The following IGF1 variants were observed in gnomAD, a reference collection of about 807,000 sequenced individuals.
IGF1 encodes insulin like growth factor 1.
A neutral mutation model predicts 13.8 loss-of-function variants in IGF1; 4 were observed. That is an observed-to-expected ratio of 0.29 (90% CI 0.14 to 0.66). IGF1 has a LOEUF of 0.66. IGF1 is among the 30% of genes least tolerant of loss of function. The pLI, the probability that IGF1 is intolerant of heterozygous loss-of-function variation, is 0.78. For synonymous variants in IGF1, 76 were observed against 72.6 expected (o/e 1.05, Z -0.23); for missense variants, 124 against 188.5 (o/e 0.66, Z 2.00).
chr12:102,453,742 T>A (rs1482845609), intron 2 of IGF1, among the ~76,000 whole-genome samples: 4 of 152,166 alleles, frequency 2.6e-5, no homozygotes, highest in African/African-American at 9.7e-5. Flanking sequence ...AAATGTATGC[T>A]CTATAGAGCA....
intron 2 of IGF1, among the ~76,000 whole-genome samples, chr12:102,460,837 A>C (rs887974353): frequency 6.6e-6 from 1 of 152,196 alleles, no homozygotes; most frequent in Admixed American, 6.5e-5. Flanking sequence ...GTCCAATACT[A>C]TCTTATCCTT....
At chr12:102,440,010 T>C (rs916929667) in intron 2 of IGF1, among the ~76,000 whole-genome samples, 1 of 152,162 alleles carries the variant, frequency 6.6e-6, no homozygotes, top group Non-Finnish European at 1.5e-5. Context: ...TCTTTAAATG[T>C]AGGATGACAA....
intron 2 of IGF1, among the ~76,000 whole-genome samples, chr12:102,450,840 G>A (rs147288395): frequency 4.5e-4 from 68 of 152,246 alleles, no homozygotes; most frequent in African/African-American, 1.5e-3. Flanking sequence ...AAGGATCTTG[G>A]GTCATTTCTC....
At chr12:102,450,232 A>T (rs1049942506) in intron 2 of IGF1, among the ~76,000 whole-genome samples, 3 of 152,066 alleles carry the variant, frequency 2.0e-5, no homozygotes, top group African/African-American at 7.2e-5. Flanking sequence ...CAGTTCACTT[A>T]TTTGCTGCTC....
chr12:102,444,258 T>C (rs1878121545), intron 2 of IGF1, among the ~76,000 whole-genome samples: 1 of 152,008 alleles, frequency 6.6e-6, no homozygotes, highest in African/African-American at 2.4e-5. Flanking sequence ...CTTTTTTTTT[T>C]TTCTACCTAA....
At chr12:102,409,985 CT>C (rs997954779) in intron 3 of IGF1, among the ~76,000 whole-genome samples, 70 of 152,288 alleles carry the variant, frequency 4.6e-4, no homozygotes, top group African/African-American at 1.6e-3. Flanking sequence ...GTTTCCGGAG[CT>C]CCGTTGAGTG....
At chr12:102,446,774 T>C (rs1050419133) in intron 2 of IGF1, among the ~76,000 whole-genome samples, 2 of 152,122 alleles carry the variant, frequency 1.3e-5, no homozygotes, top group African/African-American at 4.8e-5. Context: ...GTTTTCGAAT[T>C]TGTTTGCTCT....
intron 2 of IGF1, among the ~76,000 whole-genome samples, chr12:102,434,058 A>G (rs1336268028): frequency 6.6e-6 from 1 of 151,468 alleles, no homozygotes; most frequent in Non-Finnish European, 1.5e-5. Context: ...TGGCTAAACC[A>G]TTTCTTTTTT....
intron 2 of IGF1, among the ~76,000 whole-genome samples, chr12:102,432,427 T>C (rs769987856): frequency 2.0e-5 from 3 of 152,202 alleles, no homozygotes; most frequent in Non-Finnish European, 4.4e-5. Flanking sequence ...ATGGAATTAC[T>C]GAGTCAAAGG....
chr12:102,480,539 G>A lies in IGF1; in HGVS notation c.-158C>T. ...CTCTATCTGCTCTGAATTTAGCAGT[G>A]ACAGTGAGATTTAGCAAACAGAAGA... On this transcript the variant is annotated 5_prime_UTR_variant, in exon 1 of 4. Coordinates refer to ENST00000337514, the MANE Select transcript of IGF1 (RefSeq NM_000618.5). 1 of 1,494,122 alleles carries A rather than the reference G, an allele frequency of 6.7e-7. No individual in the cohort carries two copies. The highest frequency in any genetic ancestry group is 8.9e-7 in the Non-Finnish European group (1 of 1,123,132). The allele number at this position is 1,494,122 out of a possible 1,614,324, so 92.6% of individuals were successfully genotyped here. A position where few individuals can be genotyped will look rare whatever the true frequency, so the allele number is the denominator to read the frequency against.
chr12:102,412,721 A>C (rs1356875515), intron 3 of IGF1, among the ~76,000 whole-genome samples: 1 of 152,214 alleles, frequency 6.6e-6, no homozygotes, highest in Non-Finnish European at 1.5e-5. Context: ...GTATGATAAG[A>C]ACTTTCTTAG....
At position 102,452,261 on chromosome 12, in the gene IGF1, CAAAAAAAAAAA is replaced by C. The variant is rs538007224; in HGVS notation, c.220+23371_220+23381del. ...TGGGCGACAGAGCGAGACTCCGTCTCAAAAAAAAAAAAAAAAAAAAAAAAAAAAAGATATGT... is the reference window on the plus strand; with the variant it reads ...TGGGCGACAGAGCGAGACTCCGTCTCAAAAAAAAAAAAAAAAAAGATATGT... On this transcript the variant is annotated intron_variant, in intron 2 of 3. Coordinates refer to ENST00000337514, the MANE Select transcript of IGF1 (RefSeq NM_000618.5). Among the ~76,000 whole-genome samples the C allele has an allele frequency of 3.8e-4, 16 of 42,174 alleles. No homozygotes were observed. In the East Asian group the frequency reaches 0.012, roughly 30 times the overall value. The allele number at this position is 42,174 out of a possible 152,430, so 27.7% of individuals were successfully genotyped here.
At chr12:102,418,131 C>A in intron 3 of IGF1, 1 of 920,700 alleles carries the variant, frequency 1.1e-6, no homozygotes, top group Non-Finnish European at 1.6e-6. Context: ...GGGGTCTAGA[C>A]CTCAGTCACA....
chr12:102,425,557 A>C lies in IGF1; in HGVS notation c.221-5867T>G, dbSNP rs537901256. On this transcript the variant is annotated intron_variant, in intron 2 of 3. Coordinates refer to ENST00000337514, the MANE Select transcript of IGF1 (RefSeq NM_000618.5). ...GTTTCTCTGAGTCTAAAAGGAATGA[A>C]GCAGAGTTCTATGGGGCTGCCCCTT... Among the ~76,000 whole-genome samples, 169 of 152,334 alleles carry C rather than the reference A, an allele frequency of 1.1e-3. 1 individual carries two copies. In the Middle Eastern group the frequency reaches 0.024, roughly 21 times the overall value.
intron 3 of IGF1, among the ~76,000 whole-genome samples, chr12:102,408,019 A>G (rs1229591526): frequency 6.6e-6 from 1 of 152,198 alleles, no homozygotes; most frequent in Non-Finnish European, 1.5e-5. Flanking sequence ...CAAACAAGTT[A>G]AGTATTGTAT....
intron 1 of IGF1, among the ~76,000 whole-genome samples, chr12:102,479,127 C>T (rs1566012188): frequency 6.6e-6 from 1 of 152,214 alleles, no homozygotes; most frequent in Non-Finnish European, 1.5e-5. Flanking sequence ...AAAACTCCAG[C>T]TGCTAGATCA....
chr12:102,458,229 C>G (rs1290131027), intron 2 of IGF1, among the ~76,000 whole-genome samples: 1 of 152,114 alleles, frequency 6.6e-6, no homozygotes, highest in Non-Finnish European at 1.5e-5. Flanking sequence ...TTCATTTTTT[C>G]TAGCGTATTT....
In IGF1 at chr12:102,399,969, C is replaced by A. The variant is rs1873541008; in HGVS notation, c.*2538G>T. 3 of 152,122 alleles carry A rather than the reference C, an allele frequency of 2.0e-5. No individual in the cohort carries two copies. Among genetic ancestry groups the A allele is most frequent in the Admixed American group, 2.0e-4 (3 of 15,266 alleles). The allele number at this position is 152,122 out of a possible 1,614,324, so 9.4% of individuals were successfully genotyped here. On this transcript the variant is annotated 3_prime_UTR_variant, in exon 4 of 4. Transcript: ENST00000337514. ...AGAGGGCAAAAATGATGTATAGTTT[C>A]TTTTACATCTGTCCATAGTGATTAG...
intron 3 of IGF1, among the ~76,000 whole-genome samples, chr12:102,407,136 ATCACTGAGG>A (rs1874236833): frequency 7.5e-6 from 1 of 133,878 alleles, no homozygotes; most frequent in Non-Finnish European, 1.6e-5. Context: ...AAAAAAAAAG[ATCACTGAGG>A]ACTAATAACA....
Sources: allele counts gnomAD v4.1 joint callset (sites outside exome capture counted in the v4.1 genomes callset), GRCh38; gene constraint gnomAD v4.1.1; transcripts MANE v1.5; gene names NCBI Gene and HGNC (gene_info 2026-07-23, HGNC 2026-07-21).